Variants in FOXP2 observed in about 807,000 individuals in gnomAD.
FOXP2 encodes forkhead box protein P2.
A neutral mutation model predicts 115.8 loss-of-function variants in FOXP2; 12 were observed. The ratio of observed to expected loss-of-function variants is 0.10; its 90% CI spans 0.07 to 0.17. The LOEUF (loss-of-function observed/expected upper bound fraction) is 0.17. Among genes scored for constraint, FOXP2 ranks in the 10% least tolerant of loss-of-function variants. FOXP2 has a pLI of 1.00. For missense variants in FOXP2, 629 were observed against 843.5 expected (o/e 0.75, Z 3.15); for synonymous variants, 328 against 297.7 (o/e 1.10, Z -1.05).
intron 2 of FOXP2, among the ~76,000 whole-genome samples, chr7:114,405,329 C>A (rs558593974): frequency 5.3e-5 from 8 of 151,874 alleles, no homozygotes; most frequent in Admixed American, 2.6e-4. Context: ...TTTCACACTG[C>A]CCTTAATTGC....
At chr7:114,180,833 C>G (rs1174928843) in intron 1 of FOXP2, among the ~76,000 whole-genome samples, 2 of 151,952 alleles carry the variant, frequency 1.3e-5, no homozygotes, top group Admixed American at 1.3e-4. Flanking sequence ...TCACTTGGAT[C>G]ACTGCAATGA....
At chr7:114,372,477 T>A (rs1792036867) in intron 2 of FOXP2, among the ~76,000 whole-genome samples, 1 of 152,232 alleles carries the variant, frequency 6.6e-6, no homozygotes, top group Admixed American at 6.5e-5. Flanking sequence ...GGGAAGAGGA[T>A]GTGCATTTTA....
intron 1 of FOXP2, among the ~76,000 whole-genome samples, chr7:114,150,381 T>A (rs946539990): frequency 1.3e-5 from 2 of 152,062 alleles, no homozygotes; most frequent in African/African-American, 4.8e-5. Flanking sequence ...AAGGAGAAAT[T>A]ACTAAAACCA....
intron 1 of FOXP2, among the ~76,000 whole-genome samples, chr7:114,249,957 C>T (rs193297457): frequency 0.024 from 2,920 of 123,794 alleles, 47 homozygotes; most frequent in South Asian, 0.081. Flanking sequence ...CCTCCCCCGA[C>T]CCCACAACAG....
At chr7:114,521,990 T>C (rs1183727413) in intron 2 of FOXP2, among the ~76,000 whole-genome samples, 1 of 152,188 alleles carries the variant, frequency 6.6e-6, no homozygotes, top group East Asian at 1.9e-4. Context: ...GAAACATACT[T>C]TTCAATTAAA....
At chr7:114,665,471 A>G (rs1464509644) in intron 16 of FOXP2, 1 of 152,076 alleles carries the variant, frequency 6.6e-6, no homozygotes, top group Non-Finnish European at 1.5e-5. Flanking sequence ...TATACTCTTT[A>G]TATGTACCCA....
chr7:114,209,041 A>G (rs1166278944), intron 1 of FOXP2, among the ~76,000 whole-genome samples: 2 of 152,134 alleles, frequency 1.3e-5, no homozygotes, highest in African/African-American at 4.8e-5. Flanking sequence ...TCACTCAAAT[A>G]TCATCTTGAA....
intron 2 of FOXP2, among the ~76,000 whole-genome samples, chr7:114,458,276 G>A (rs1233246242): frequency 6.6e-6 from 1 of 151,798 alleles, no homozygotes; most frequent in Non-Finnish European, 1.5e-5. Context: ...AATTGATATC[G>A]ATAACCTTAT....
Position 114,148,847 on chromosome 7 carries a change from C to A in FOXP2, c.-246-14097C>A, listed in dbSNP as rs149002829. 2.6e-3 allele frequency among the ~76,000 whole-genome samples: 396 copies of A among 152,196 alleles called. 3 individuals are homozygous for A. The highest frequency in any genetic ancestry group is 9.1e-3 in the African/African-American group (378 of 41,554). On this transcript the variant is annotated intron_variant, in intron 1 of 19. Transcript: ENST00000635638. The stretch of plus-strand genomic sequence containing the variant: ...ACATCTGTCTTCTTTGCTTCATCTC[C>A]GTTTCTACTGTTCTAGTTCAGGTTT...
intron 1 of FOXP2, among the ~76,000 whole-genome samples, chr7:114,262,896 T>C (rs972217692): frequency 2.6e-5 from 4 of 152,214 alleles, no homozygotes; most frequent in African/African-American, 7.2e-5. Flanking sequence ...CTTTTTACCT[T>C]AGTTTTATGT....
intron 3 of FOXP2, among the ~76,000 whole-genome samples, chr7:114,579,939 G>T (rs979532912): frequency 3.3e-5 from 5 of 152,148 alleles, no homozygotes; most frequent in African/African-American, 9.7e-5. Flanking sequence ...TTCAATCATT[G>T]TACTGAGGAA....
At chr7:114,431,697 C>T (rs1794120535) in intron 2 of FOXP2, among the ~76,000 whole-genome samples, 1 of 151,756 alleles carries the variant, frequency 6.6e-6, no homozygotes. Flanking sequence ...TATTAAAGCA[C>T]ATTCTTAACA....
At chr7:114,097,118 C>T (rs184317495) in intron 1 of FOXP2, among the ~76,000 whole-genome samples, 72 of 152,148 alleles carry the variant, frequency 4.7e-4, no homozygotes, top group African/African-American at 1.6e-3. Flanking sequence ...GTTTTAAGCA[C>T]TTTCATCATT....
chr7:114,282,169 T>C (rs1250393392), intron 1 of FOXP2, among the ~76,000 whole-genome samples: 2 of 152,242 alleles, frequency 1.3e-5, no homozygotes, highest in African/African-American at 4.8e-5. Flanking sequence ...AGATTAGCTA[T>C]AATTAGTATT....
At chr7:114,556,527 A>G (rs980321329) in intron 3 of FOXP2, among the ~76,000 whole-genome samples, 2 of 152,320 alleles carry the variant, frequency 1.3e-5, no homozygotes, top group South Asian at 2.1e-4. Context: ...GTGAATTTGG[A>G]AAAAAATTAT....
chr7:114,428,202 T>C (rs1185748668), intron 2 of FOXP2, among the ~76,000 whole-genome samples: 1 of 151,602 alleles, frequency 6.6e-6, no homozygotes, highest in Non-Finnish European at 1.5e-5. Flanking sequence ...AAAATAGTAA[T>C]TGTAAATGAA....
chr7:114,204,762 T>C (rs955590271), intron 1 of FOXP2, among the ~76,000 whole-genome samples: 2 of 152,176 alleles, frequency 1.3e-5, no homozygotes, highest in African/African-American at 4.8e-5. Flanking sequence ...AGTTTTGCCC[T>C]TTTCTTATTT....
chr7:114,580,180 A>T (rs1801775721), intron 3 of FOXP2, among the ~76,000 whole-genome samples: 1 of 152,270 alleles, frequency 6.6e-6, no homozygotes, highest in South Asian at 2.1e-4. Flanking sequence ...CACTGGAATG[A>T]CAAAAAATAT....
intron 3 of FOXP2, among the ~76,000 whole-genome samples, chr7:114,554,777 TC>T (rs1487911529): frequency 2.0e-5 from 3 of 152,326 alleles, no homozygotes; most frequent in East Asian, 1.9e-4. Flanking sequence ...TAATTTTTTT[TC>T]ATAGCATCTA....
Sources: gnomAD v4.1 joint callset for allele counts (sites outside exome capture counted in the v4.1 genomes callset) on GRCh38, gnomAD v4.1.1 for gene constraint, MANE v1.5 for transcripts, NCBI Gene and HGNC (gene_info 2026-07-23, HGNC 2026-07-21) for gene names.